The following TYMS variants were observed in gnomAD, a reference collection of about 807,000 sequenced individuals.
TYMS encodes thymidylate synthetase, also known as thymidylate synthase.
In TYMS, 21 loss-of-function variants were observed where a neutral mutation model predicts 39.3. That is an observed-to-expected ratio of 0.54 (90% CI 0.38 to 0.77). The LOEUF is 0.77. Ranked by LOEUF, TYMS falls within the 30% of genes least tolerant of loss-of-function variation. The pLI is 0.00. For synonymous variants in TYMS, 171 were observed against 162.2 expected (o/e 1.05, Z -0.41); for missense variants, 273 against 406.7 (o/e 0.67, Z 2.83).
rs769437243 is a variant in TYMS, at chr18:671,493, T to C, written c.804+42T>C. On this transcript the variant is annotated intron_variant, in intron 6 of 6. Coordinates refer to ENST00000323274, the MANE Select transcript of TYMS (RefSeq NM_001071.4). ...ATACTTTTGGGTTTGGTACCTTCTC[T>C]TGATAAAAGGTTGACTGTGGAACAG... 9 of 1,289,512 alleles carry C rather than the reference T, an allele frequency of 7.0e-6. No homozygotes were observed. In the South Asian group the frequency reaches 9.5e-5, roughly 14 times the overall value. The allele number at this position is 1,289,512 out of a possible 1,614,324, so 79.9% of individuals were successfully genotyped here.
intron 1 of TYMS, among the ~76,000 whole-genome samples, chr18:659,010 G>T (rs1338337335): frequency 6.6e-6 from 1 of 152,178 alleles, no homozygotes; most frequent in Non-Finnish European, 1.5e-5. Flanking sequence ...AGGGGCCTTT[G>T]ATGAGCCATA....
intron 3 of TYMS, among the ~76,000 whole-genome samples, chr18:665,033 A>C (rs1332426369): frequency 6.6e-6 from 1 of 152,008 alleles, no homozygotes; most frequent in African/African-American, 2.4e-5. Context: ...CTGGCTTCAT[A>C]AAATGAGTTA....
intron 3 of TYMS, 75 bp downstream of exon 3, chr18:662,395 A>C: frequency 2.2e-6 from 3 of 1,379,448 alleles, no homozygotes; most frequent in South Asian, 2.9e-5. Flanking sequence ...GTTTTAGATA[A>C]GGTCTGGGGG....
rs370789529 is a variant in TYMS at position 659,611 on chromosome 18, C to T, written c.206-30C>T. On this transcript the variant is annotated intron_variant, in intron 1 of 6. Coordinates refer to ENST00000323274, the MANE Select transcript of TYMS (RefSeq NM_001071.4). ...TGGATGGCATGATCTGTCTTCCCAT[C>T]TTGAAACCGTATGGCAAATTGTTTT... is the stretch of plus-strand genomic sequence containing the variant. 6.9e-6 allele frequency: 11 copies of T among 1,600,700 alleles called. No homozygotes were observed. In the African/African-American group the frequency reaches 1.5e-4, roughly 21 times the overall value.
Position 667,992 on chromosome 18 carries a change from A to ATTTTTT in TYMS, c.455-1066_455-1061dup, listed in dbSNP as rs60409589. The stretch of plus-strand genomic sequence containing the variant: ...AATTTTGTTTTACAGATTCACAGGA[A>ATTTTTT]TTTTTTTTTTTTTTTTTTTAATGCA... On this transcript the variant is annotated intron_variant, in intron 3 of 6. Transcript: ENST00000323274. 7.4e-4 allele frequency among the ~76,000 whole-genome samples: 78 copies of ATTTTTT among 105,366 alleles called. 3 individuals carry two copies. Among genetic ancestry groups the ATTTTTT allele is most frequent in the African/African-American group, 2.8e-3 (62 of 21,856 alleles). The allele number at this position is 105,366 out of a possible 152,430, so 69.1% of individuals were successfully genotyped here.
At chr18:672,534 T>C (rs1319986930) in intron 6 of TYMS, 1 of 182,962 alleles carries the variant, frequency 5.5e-6, no homozygotes, top group Non-Finnish European at 1.1e-5. Context: ...CAAGTAAACG[T>C]AGAGCTACTA....
At chr18:665,218 G>C (rs2074797621) in intron 3 of TYMS, among the ~76,000 whole-genome samples, 1 of 151,006 alleles carries the variant, frequency 6.6e-6, no homozygotes, top group African/African-American at 2.4e-5. Flanking sequence ...TCTATTCAGA[G>C]ATTCAACTTC....
At position 658,074 on chromosome 18, in the gene TYMS, A is replaced by G; in HGVS notation, c.205+127A>G. ...TAACCTCAATCCTGCGAGGGAGGGGACGCATCGTCCTCCTCGCCTTACAGA... is the reference window on the plus strand; with the variant it reads ...TAACCTCAATCCTGCGAGGGAGGGGGCGCATCGTCCTCCTCGCCTTACAGA... On this transcript the variant is annotated intron_variant, in intron 1 of 6. Coordinates refer to ENST00000323274, the MANE Select transcript of TYMS (RefSeq NM_001071.4). This position sits in a 1 kb window ranked among gnomAD's most constrained non-coding sequence, Gnocchi z 4.5. 2 of 1,574,834 alleles carry G rather than the reference A, an allele frequency of 1.3e-6. No homozygotes were observed. The highest frequency in any genetic ancestry group is 1.7e-6 in the Non-Finnish European group (2 of 1,163,584).
intron 3 of TYMS, among the ~76,000 whole-genome samples, chr18:664,521 C>T (rs1359132510): frequency 7.2e-6 from 1 of 138,144 alleles, no homozygotes; most frequent in Admixed American, 7.1e-5. Flanking sequence ...CCTTCTCCTG[C>T]CTAATTGCCC....
intron 6 of TYMS, 195 bp from the exon 7 acceptor site, chr18:672,665 T>TCTCG (rs1429745061): frequency 1.5e-5 from 7 of 468,166 alleles, no homozygotes; most frequent in African/African-American, 1.3e-4. Context: ...TACCCCTCAC[T>TCTCG]CTCGATCTGT....
At position 658,180 on chromosome 18, in the gene TYMS, T is replaced by G. The variant is rs765347463; in HGVS notation, c.205+233T>G. 6.4e-7 allele frequency: 1 copy of G among 1,551,870 alleles called. No individual in the cohort carries two copies. On this transcript the variant is annotated intron_variant, in intron 1 of 6. Transcript: ENST00000323274. This position sits in a 1 kb window ranked among gnomAD's most constrained non-coding sequence, Gnocchi z 4.5. ...AGCGACAGCCGGGAGGTAAGCCGCGTCCCAGCGGCTCCGCGGCCGGGCTCG... is the reference window on the plus strand; with the variant it reads ...AGCGACAGCCGGGAGGTAAGCCGCGGCCCAGCGGCTCCGCGGCCGGGCTCG...
rs1220451138 is a variant in TYMS, at chr18:667,089, TGATGGAGATGGA to T, written c.455-1971_455-1960del. ...GTGATGGTGATGGAGATGGTGATGG[TGATGGAGATGGA>T]GATGGAGATGGTGATGGTGATGGTG... is the stretch of plus-strand genomic sequence containing the variant. On this transcript the variant is annotated intron_variant, in intron 3 of 6. Transcript: ENST00000323274. 1.6e-4 allele frequency among the ~76,000 whole-genome samples: 8 copies of T among 50,178 alleles called. 1 individual carries two copies. The highest frequency in any genetic ancestry group is 2.0e-3 in the East Asian group (2 of 1,010). 32.9% of individuals were successfully genotyped at this position (50,178 alleles called of 152,430 possible). A position where few individuals can be genotyped will look rare whatever the true frequency, so the allele number is the denominator to read the frequency against.
chr18:672,949 T>A lies in TYMS; in HGVS notation c.894T>A (p.Ile298=). 1 of 1,596,004 alleles carries A rather than the reference T, an allele frequency of 6.3e-7. No individual in the cohort carries two copies. ...ACTTCAAAGCTGAAGACTTTCAGAT[T>A]GAAGGGTACAATCCGCATCCAACTA... ...IDDFKAEDFQ[I]EGYNPHPTIK... is the part of the protein sequence containing the mutation. Residue 298 remains isoleucine, a synonymous_variant, in exon 7 of 7, where the codon ATT becomes ATA. Coordinates refer to ENST00000323274, the MANE Select transcript of TYMS (RefSeq NM_001071.4).
At chr18:664,755 T>C (rs1193458867) in intron 3 of TYMS, among the ~76,000 whole-genome samples, 1 of 150,546 alleles carries the variant, frequency 6.6e-6, no homozygotes, top group East Asian at 1.9e-4. Context: ...CAAAGGCCTT[T>C]TCTGCATCTA....
In TYMS at chr18:657,673, GCCGCGCCACTTGGCCTGCCTCCGTC is replaced by G; in HGVS notation, c.-65_-41del. On this transcript the variant is annotated 5_prime_UTR_variant, in exon 1 of 7. Coordinates refer to ENST00000323274, the MANE Select transcript of TYMS (RefSeq NM_001071.4). The stretch of plus-strand genomic sequence containing the variant: ...GCGCCACTTGGCCTGCCTCCGTCCC[GCCGCGCCACTTGGCCTGCCTCCGTC>G]CCGCCGCGCCACTTCGCCTGCCTCC... 3.7e-6 allele frequency: 1 copy of G among 267,320 alleles called. No homozygotes were observed. Among genetic ancestry groups the G allele is most frequent in the Non-Finnish European group, 5.6e-6 (1 of 179,548 alleles). 16.6% of individuals were successfully genotyped at this position (267,320 alleles called of 1,614,324 possible). A position where few individuals can be genotyped will look rare whatever the true frequency, so the allele number is the denominator to read the frequency against.
chr18:667,283 TGGTGATGGA>T (rs2074862578), intron 3 of TYMS, among the ~76,000 whole-genome samples: 1 of 28,326 alleles, frequency 3.5e-5, no homozygotes, highest in Non-Finnish European at 5.7e-5. Flanking sequence ...GGTGATGGGA[TGGTGATGGA>T]GATGGTGATG....
At chr18:664,425 A>G (rs11875638) in intron 3 of TYMS, among the ~76,000 whole-genome samples, 15 of 145,198 alleles carry the variant, frequency 1.0e-4, no homozygotes, top group South Asian at 2.3e-4. Context: ...GGGCTGAGAC[A>G]ATGGGGTTTT....
At chr18:662,084 GA>G in intron 2 of TYMS, 61 bp from the exon 3 acceptor site, 1 of 1,520,836 alleles carries the variant, frequency 6.6e-7, no homozygotes, top group Non-Finnish European at 8.8e-7. Context: ...GTCTCGGGGG[GA>G]TCAACTGAGA....
chr18:672,699 C>G, intron 6 of TYMS, 161 bp from the exon 7 acceptor site: 1 of 695,860 alleles, frequency 1.4e-6, no homozygotes. Context: ...TGGTTGCGCT[C>G]CAATCATGTT....
Sources: allele counts gnomAD v4.1 joint callset (sites outside exome capture counted in the v4.1 genomes callset), GRCh38; gene constraint gnomAD v4.1.1; non-coding constraint Gnocchi (gnomAD v3.1); transcripts MANE v1.5; gene names NCBI Gene and HGNC (gene_info 2026-07-23, HGNC 2026-07-21).